The following KIF1B variants were observed in gnomAD, a reference collection of about 807,000 sequenced individuals.
KIF1B encodes the protein kinesin family member 1B.
A neutral mutation model predicts 241.9 loss-of-function variants in KIF1B; 76 were observed. The ratio of observed to expected loss-of-function variants is 0.31; its 90% CI spans 0.26 to 0.38. The LOEUF (loss-of-function observed/expected upper bound fraction) is 0.38. Ranked by LOEUF, KIF1B falls within the 10% of genes least tolerant of loss-of-function variation. The probability of loss-of-function intolerance (pLI) is 1.00; values close to 1 mark genes in which losing one functional copy is unlikely to be tolerated. For synonymous variants in KIF1B, 750 were observed against 796.7 expected, an observed-to-expected ratio of 0.94 and a Z score of 0.99; for missense variants, 1,622 against 2,271.4, an observed-to-expected ratio of 0.71 and a Z score of 5.81.
chr1:10,213,321 T>C (rs909622895), intron 1 of KIF1B, among the ~76,000 whole-genome samples: 4 of 152,186 alleles, frequency 2.6e-5, no homozygotes, highest in Non-Finnish European at 5.9e-5. Context: ...CAATTAAGTA[T>C]AGCTTTTAAG....
chr1:10,215,161 TATATATATATA>T lies in KIF1B; in HGVS notation c.-80+4284_-80+4294del, dbSNP rs1432635059. 4.5e-3 allele frequency among the ~76,000 whole-genome samples: 323 copies of T among 72,076 alleles called. 2 individuals are homozygous for T. Among genetic ancestry groups the T allele is most frequent in the African/African-American group, 0.024 (285 of 11,668 alleles). 47.3% of individuals were successfully genotyped at this position (72,076 alleles called of 152,430 possible). ...TTTTATATATATATATATATATATA[TATATATATATA>T]TTTTTTTTTTTTTTTTTTTTTGAGA... is the stretch of plus-strand genomic sequence containing the variant. On this transcript the variant is annotated intron_variant, in intron 1 of 48. Transcript: ENST00000676179.
chr1:10,226,338 C>G (rs780545377), intron 1 of KIF1B, among the ~76,000 whole-genome samples: 11 of 151,898 alleles, frequency 7.2e-5, no homozygotes, highest in Non-Finnish European at 1.6e-4. Context: ...GTAGAGGAGT[C>G]GAGTAGTCTA....
intron 2 of KIF1B, among the ~76,000 whole-genome samples, chr1:10,251,429 G>A (rs1410050282): frequency 6.6e-6 from 1 of 151,478 alleles, no homozygotes; most frequent in Non-Finnish European, 1.5e-5. Context: ...AAGGCTGAGT[G>A]AAATATGGCT....
rs546527912 is a variant in KIF1B, at chr1:10,379,022, C to A, written c.*2435C>A. 2.5e-4 allele frequency: 58 copies of A among 231,144 alleles called. No homozygotes were observed. Among genetic ancestry groups the A allele is most frequent in the Non-Finnish European group, 4.1e-4 (48 of 116,752 alleles). The allele number at this position is 231,144 out of a possible 1,614,324, so 14.3% of individuals were successfully genotyped here. On this transcript the variant is annotated 3_prime_UTR_variant, in exon 49 of 49. Transcript: ENST00000676179. ...ATATGCCCTTCCGGTTCTATTCAAA[C>A]CAGCAGGATCTGTCGGTGCTTAGAG...
intron 24 of KIF1B, among the ~76,000 whole-genome samples, chr1:10,323,602 C>T (rs1651607754): frequency 6.6e-6 from 1 of 152,286 alleles, no homozygotes; most frequent in African/African-American, 2.4e-5. Flanking sequence ...GCCTGGGTGA[C>T]AGAGTGTAAC....
In KIF1B at chr1:10,365,427, T is replaced by G. The variant is rs1557739717; in HGVS notation, c.4531T>G (p.Phe1511Val). 6.2e-7 allele frequency: 1 copy of G among 1,614,194 alleles called. No homozygotes were observed. The highest frequency in any genetic ancestry group is 8.5e-7 in the Non-Finnish European group (1 of 1,180,038). The change falls in exon 43 of 49, where the codon TTT (phenylalanine) becomes GTT (valine). Residue 1511 changes from phenylalanine to valine, a missense_variant. Physicochemically the swap from Phe to Val is conservative, Grantham distance 50. Transcript: ENST00000676179. This position sits in a 1 kb window ranked among gnomAD's most constrained non-coding sequence, Gnocchi z 4.0. Reference sequence around the variant, plus strand: ...TTCTCAGGTGGAAAAAACCCGCCACTTTTTGCTGCTGCGTGAGAGACTTGG... The same window carrying G: ...TTCTCAGGTGGAAAAAACCCGCCACGTTTTGCTGCTGCGTGAGAGACTTGG... ...LLHEVEKTRH[F>V]LLLRERLGDS...
intron 22 of KIF1B, among the ~76,000 whole-genome samples, chr1:10,316,055 CA>C (rs1308346575): frequency 0.11 from 2,726 of 25,828 alleles, 43 homozygotes; most frequent in Middle Eastern, 0.3. Flanking sequence ...AACTCCATCT[CA>C]AAAAAAAAAA....
At chr1:10,346,065 A>T in intron 35 of KIF1B, 112 bp downstream of exon 35, 1 of 791,280 alleles carries the variant, frequency 1.3e-6, no homozygotes, top group South Asian at 1.5e-5. Flanking sequence ...GTCAAATTCC[A>T]GGGATGGTTT....
chr1:10,328,343 T>C (rs1477359412), intron 27 of KIF1B, among the ~76,000 whole-genome samples: 1 of 152,212 alleles, frequency 6.6e-6, no homozygotes, highest in Non-Finnish European at 1.5e-5. Flanking sequence ...AGTGTAACTG[T>C]AGGTCATAGT....
At position 10,296,489 on chromosome 1, in the gene KIF1B, C is replaced by T. The variant is rs527671666; in HGVS notation, c.1778-93C>T. The T allele has an allele frequency of 3.9e-6, 4 of 1,036,870 alleles. No homozygotes were observed. The East Asian group carries it at 1.0e-4, about 26-fold the overall frequency. The allele number at this position is 1,036,870 out of a possible 1,614,324, so 64.2% of individuals were successfully genotyped here. A position where few individuals can be genotyped will look rare whatever the true frequency, so the allele number is the denominator to read the frequency against. On this transcript the variant is annotated intron_variant, in intron 19 of 48. Coordinates refer to ENST00000676179, the MANE Select transcript of KIF1B (RefSeq NM_001365951.3). ...ACTTGATTGATTGCAGGGATTTATT[C>T]TACTTACTGCAAATCCTGATAAGCA...
At position 10,324,806 on chromosome 1, in the gene KIF1B, G is replaced by A. The variant is rs199818954; in HGVS notation, c.2586G>A (p.Met862Ile). Residue 862 changes from methionine (M) to isoleucine (I), a missense_variant, in exon 26 of 49, where the codon ATG becomes ATA. Transcript: ENST00000676179. ...AGATGTATGATAGGGCAGGGGAGAT[G>A]GCCTCCAGTGCCCAAGACGAAAGCG... ...MREMYDRAGE[M>I]ASSAQDESET... 5.0e-5 allele frequency: 80 copies of A among 1,614,054 alleles called. No homozygotes were observed. In the Middle Eastern group the frequency reaches 8.2e-4, roughly 17 times the overall value.
At chr1:10,239,370 CTTTT>C (rs1647101961) in intron 2 of KIF1B, among the ~76,000 whole-genome samples, 1 of 151,678 alleles carries the variant, frequency 6.6e-6, no homozygotes, top group African/African-American at 2.4e-5. Context: ...TTTTGGTTTG[CTTTT>C]TTTATTTTCT....
rs1472423039 is a variant in KIF1B at position 10,244,779 on chromosome 1, A to AT, written c.107-11462dup. On this transcript the variant is annotated intron_variant, in intron 2 of 48. Coordinates refer to ENST00000676179, the MANE Select transcript of KIF1B (RefSeq NM_001365951.3). ...AGGCGCCCACCACCACGCCTGGCTA[A>AT]TTTTTTGTATTTTTAGTAGAGACGG... 2.0e-5 allele frequency among the ~76,000 whole-genome samples: 3 copies of AT among 149,494 alleles called. No homozygotes were observed. The East Asian group carries it at 5.9e-4, about 30-fold the overall frequency.
In KIF1B at chr1:10,303,481, A is replaced by C. The variant is rs767785339; in HGVS notation, c.2115+6235A>C. ...GGAGATTGAAGCCCTGGCCATTGTC[A>C]AGATGAAGGAGCTTTGTGCCATGTA... On this transcript the variant is annotated intron_variant, in intron 22 of 48. Coordinates refer to ENST00000676179, the MANE Select transcript of KIF1B (RefSeq NM_001365951.3). The surrounding 1 kb of genome is among the most constrained non-coding windows in gnomAD (Gnocchi z 5.2). The C allele has an allele frequency of 3.1e-6, 5 of 1,614,074 alleles. No homozygotes were observed. Among genetic ancestry groups the C allele is most frequent in the Non-Finnish European group, 4.2e-6 (5 of 1,180,054 alleles).
chr1:10,324,698 A>G (rs983022213), intron 25 of KIF1B, 60 bp from the exon 26 acceptor site: 3 of 1,585,038 alleles, frequency 1.9e-6, no homozygotes, highest in African/African-American at 2.7e-5. Context: ...ATGCTTCCAA[A>G]GTGAAAGTTT....
chr1:10,266,040 C>A (rs553401878), intron 5 of KIF1B, among the ~76,000 whole-genome samples: 5 of 152,098 alleles, frequency 3.3e-5, no homozygotes, highest in Non-Finnish European at 7.4e-5. Flanking sequence ...GGATCTGTTT[C>A]CTGGGTAGCA....
chr1:10,324,948 T>A, intron 26 of KIF1B, 53 bp downstream of exon 26: 1 of 1,592,860 alleles, frequency 6.3e-7, no homozygotes, highest in Non-Finnish European at 8.6e-7. Flanking sequence ...TAGTTTTAAG[T>A]GTTTAAAACC....
At chr1:10,315,662 A>G (rs1349018933) in intron 22 of KIF1B, among the ~76,000 whole-genome samples, 2 of 151,554 alleles carry the variant, frequency 1.3e-5, no homozygotes, top group African/African-American at 2.4e-5. Context: ...GATTTTTTAA[A>G]TCTTTCATTA....
chr1:10,321,989 T>C, intron 24 of KIF1B, 132 bp downstream of exon 24: 1 of 877,470 alleles, frequency 1.1e-6, no homozygotes, highest in Non-Finnish European at 1.8e-6. Flanking sequence ...CAGCTTTATA[T>C]ATGTCTTTAT....
Sources: allele counts gnomAD v4.1 joint callset (sites outside exome capture counted in the v4.1 genomes callset), GRCh38; gene constraint gnomAD v4.1.1; non-coding constraint Gnocchi (gnomAD v3.1); transcripts MANE v1.5; gene names NCBI Gene and HGNC (gene_info 2026-07-23, HGNC 2026-07-21).